The following IKBIP variants were observed in gnomAD, a reference collection of about 807,000 sequenced individuals.
IKBIP encodes inhibitor of nuclear factor kappa-B kinase-interacting protein.
In IKBIP, 28 loss-of-function variants were observed where a neutral mutation model predicts 31.0. The observed-to-expected ratio is 0.90, with a 90% CI of 0.67 to 1.24. The LOEUF (loss-of-function observed/expected upper bound fraction) is 1.24, where lower values mean the gene tolerates loss of function less well. IKBIP is among the 50% of genes most tolerant of loss of function. The pLI is 0.00. For missense variants in IKBIP, 453 were observed against 441.9 expected (o/e 1.03, Z -0.23); for synonymous variants, 164 against 160.3 (o/e 1.02, Z -0.17).
chr12:98,644,626 C>T lies in IKBIP; in HGVS notation c.76G>A (p.Gly26Ser), dbSNP rs906400558. 1.2e-6 allele frequency: 2 copies of T among 1,610,676 alleles called. No homozygotes were observed. The highest frequency in any genetic ancestry group is 1.7e-5 in the Admixed American group (1 of 59,532). The change falls in exon 1 of 3, where the codon GGC becomes AGC. Residue 26 changes from glycine (G) to serine (S), a missense_variant. Transcript: ENST00000299157. ...PAAEPGKRSE[G>S]GKTPVARSSG... Reference sequence around the variant, plus strand: ...CTCCGGGCCACGGGGGTCTTCCCGCCCTCGCTCCGCTTCCCGGGCTCCGCA... The same window carrying T: ...CTCCGGGCCACGGGGGTCTTCCCGCTCTCGCTCCGCTTCCCGGGCTCCGCA...
At chr12:98,626,880 CTAAA>C (rs2097615020) in intron 2 of IKBIP, 114 bp from the exon 3 acceptor site, 1 of 736,060 alleles carries the variant, frequency 1.4e-6, no homozygotes, top group Non-Finnish European at 2.2e-6. Context: ...CTGAAGATGT[CTAAA>C]ATATCCAAGT....
intron 2 of IKBIP, among the ~76,000 whole-genome samples, chr12:98,630,048 C>T (rs1366305803): frequency 6.6e-5 from 10 of 152,054 alleles, no homozygotes; most frequent in Non-Finnish European, 1.5e-4. Flanking sequence ...GCTGAGATTA[C>T]AGGCATAAGC....
downstream of IKBIP, among the ~76,000 whole-genome samples, chr12:98,622,924 G>A (rs182815753): frequency 5.9e-4 from 85 of 144,650 alleles, 5 homozygotes; most frequent in African/African-American, 2.3e-3. Context: ...AAAATAATTA[G>A]GTGCTTGTAT....
exon 3 of IKBIP, chr12:98,613,687 T>C (rs746091190): frequency 4.4e-6 from 7 of 1,608,190 alleles, no homozygotes; most frequent in Middle Eastern, 1.7e-4. Flanking sequence ...AAGCAATTTC[T>C]TTCTCTCTTT....
chr12:98,621,181 G>A (rs761447016), downstream of IKBIP, among the ~76,000 whole-genome samples: 2 of 152,202 alleles, frequency 1.3e-5, no homozygotes, highest in South Asian at 2.1e-4. Context: ...CCCAGGAGAC[G>A]GAGGTTGTAG....
intron 2 of IKBIP, among the ~76,000 whole-genome samples, chr12:98,617,841 C>CTTTTGCAT (rs2097607110): frequency 6.6e-6 from 1 of 152,180 alleles, no homozygotes; most frequent in Non-Finnish European, 1.5e-5. Context: ...GTAAGTCAAT[C>CTTTTGCAT]ATTTGACTTT....
At chr12:98,630,592 G>C (rs1218240448) in intron 2 of IKBIP, among the ~76,000 whole-genome samples, 4 of 151,956 alleles carry the variant, frequency 2.6e-5, no homozygotes, top group Non-Finnish European at 5.9e-5. Context: ...AAAAAAATTG[G>C]TTTCATTATA....
At position 98,629,220 on chromosome 12, in the gene IKBIP, C is replaced by T. The variant is rs567222814; in HGVS notation, c.298-2454G>A. Among the ~76,000 whole-genome samples the T allele has an allele frequency of 3.3e-5, 5 of 152,302 alleles. No homozygotes were observed. In the South Asian group the frequency reaches 1.0e-3, roughly 32 times the overall value. On this transcript the variant is annotated intron_variant, in intron 2 of 2. Coordinates refer to ENST00000299157, the MANE Select transcript of IKBIP (RefSeq NM_153687.4). ...CTTAAAGAGTATGCAACAAGAATGA[C>T]TAACACCACTCTGAAATGTTGTTTA... is the stretch of plus-strand genomic sequence containing the variant.
chr12:98,617,368 T>A (rs570285480), intron 2 of IKBIP, among the ~76,000 whole-genome samples: 6 of 152,370 alleles, frequency 3.9e-5, no homozygotes, highest in Admixed American at 1.3e-4. Flanking sequence ...CTTGGACACA[T>A]TAACTGATAA....
At chr12:98,627,326 G>A (rs2097615491) in intron 2 of IKBIP, among the ~76,000 whole-genome samples, 1 of 151,198 alleles carries the variant, frequency 6.6e-6, no homozygotes, top group Non-Finnish European at 1.5e-5. Flanking sequence ...AGATATTTCA[G>A]CATTTCTATG....
chr12:98,635,167 A>G (rs1419981363), intron 1 of IKBIP, among the ~76,000 whole-genome samples: 1 of 151,146 alleles, frequency 6.6e-6, no homozygotes, highest in African/African-American at 2.4e-5. Context: ...ACCACGCCCC[A>G]CCAATTTTTT....
intron 2 of IKBIP, among the ~76,000 whole-genome samples, chr12:98,615,833 C>G (rs1251680371): frequency 6.6e-6 from 1 of 152,078 alleles, no homozygotes; most frequent in East Asian, 1.9e-4. Context: ...ACAGGATTTC[C>G]TTCTTTTTAA....
At position 98,614,814 on chromosome 12, in the gene IKBIP, C is replaced by T. The variant is rs761649870; in HGVS notation, c.298-474G>A. Among the ~76,000 whole-genome samples, 5 of 152,250 alleles carry T rather than the reference C, an allele frequency of 3.3e-5. No homozygotes were observed. In the South Asian group the frequency reaches 8.3e-4, roughly 25 times the overall value. On this transcript the variant is annotated intron_variant, in intron 2 of 2. Coordinates refer to the IKBIP transcript ENST00000342502. ...ACTTCAGAAGTAAGAGAATTTAGAA[C>T]AATGTAAGTGAATTACTAATGAATA... is the stretch of plus-strand genomic sequence containing the variant.
At chr12:98,617,550 T>A (rs777602474) in intron 2 of IKBIP, among the ~76,000 whole-genome samples, 125 of 152,184 alleles carry the variant, frequency 8.2e-4, no homozygotes, top group Non-Finnish European at 1.4e-3. Context: ...CATTGTGCCA[T>A]CAGTTAATAA....
At position 98,625,218 on chromosome 12, in the gene IKBIP, TAAGA is replaced by T. The variant is rs1233707330; in HGVS notation, c.*708_*711del. On this transcript the variant is annotated 3_prime_UTR_variant, in exon 3 of 3. Coordinates refer to ENST00000299157, the MANE Select transcript of IKBIP (RefSeq NM_153687.4). The stretch of plus-strand genomic sequence containing the variant: ...CAAAGATTTATATACACATAATTCC[TAAGA>T]AAGGCCTTATGTAAGAACATACTTA... 6.1e-6 allele frequency: 6 copies of T among 978,958 alleles called. No homozygotes were observed. The highest frequency in any genetic ancestry group is 6.1e-6 in the Non-Finnish European group (5 of 824,012). 60.6% of individuals were successfully genotyped at this position (978,958 alleles called of 1,614,324 possible).
At chr12:98,621,578 G>A (rs369112309), downstream of IKBIP, among the ~76,000 whole-genome samples, 8 of 152,282 alleles carry the variant, frequency 5.3e-5, no homozygotes, top group East Asian at 1.9e-4. Context: ...TAGTTGAACA[G>A]TAGCAGGCTC....
intron 2 of IKBIP, among the ~76,000 whole-genome samples, chr12:98,616,014 GA>G (rs747470474): frequency 3.3e-5 from 5 of 151,890 alleles, no homozygotes; most frequent in Non-Finnish European, 5.9e-5. Context: ...TATATATCCA[GA>G]AGTGGGATTG....
chr12:98,638,617 T>A (rs1436261475), intron 1 of IKBIP, among the ~76,000 whole-genome samples: 1 of 150,672 alleles, frequency 6.6e-6, no homozygotes, highest in Non-Finnish European at 1.5e-5. Flanking sequence ...CAAGGTCTCA[T>A]TCTGTTACCC....
At chr12:98,640,399 C>T (rs950665695) in intron 1 of IKBIP, among the ~76,000 whole-genome samples, 1 of 152,020 alleles carries the variant, frequency 6.6e-6, no homozygotes, top group Non-Finnish European at 1.5e-5. Flanking sequence ...GAGATTGCGC[C>T]ACTGCACTCC....
Sources: allele counts gnomAD v4.1 joint callset (sites outside exome capture counted in the v4.1 genomes callset), GRCh38; gene constraint gnomAD v4.1.1; transcripts MANE v1.5; gene names NCBI Gene and HGNC (gene_info 2026-07-23, HGNC 2026-07-21).